ACOXL: variants seen among roughly 807,000 people sequenced by gnomAD.
ACOXL encodes the protein acyl-coenzyme A oxidase-like protein.
In ACOXL, 70 loss-of-function variants were observed where a neutral mutation model predicts 71.9. The observed-to-expected ratio is 0.97, with a 90% CI of 0.80 to 1.19. The LOEUF (loss-of-function observed/expected upper bound fraction) is 1.19, where lower values mean the gene tolerates loss of function less well. ACOXL is among the 50% of genes most tolerant of loss of function. The probability of loss-of-function intolerance (pLI) is 0.00; values close to 1 mark genes in which losing one functional copy is unlikely to be tolerated. For synonymous variants in ACOXL, 253 were observed against 281.6 expected, an observed-to-expected ratio of 0.90 and a Z score of 1.02; for missense variants, 703 against 736.3, an observed-to-expected ratio of 0.95 and a Z score of 0.52.
At chr2:111,110,638 C>T (rs1362127198) in intron 17 of ACOXL, among the ~76,000 whole-genome samples, 1 of 152,180 alleles carries the variant, frequency 6.6e-6, no homozygotes, top group Non-Finnish European at 1.5e-5. Context: ...GTCCACCTGT[C>T]CCCAAAACAG....
intron 16 of ACOXL, among the ~76,000 whole-genome samples, chr2:111,083,082 A>G (rs946827461): frequency 1.7e-4 from 26 of 152,184 alleles, no homozygotes; most frequent in African/African-American, 6.3e-4. Flanking sequence ...TACCTAATGT[A>G]GATGATGGGT....
Position 111,039,605 on chromosome 2 carries a change from CT to C in ACOXL, c.1369+7895del, listed in dbSNP as rs2065681075. 2.0e-5 allele frequency among the ~76,000 whole-genome samples: 3 copies of C among 152,190 alleles called. 1 individual carries two copies. In the South Asian group the frequency reaches 6.2e-4, roughly 32 times the overall value. On this transcript the variant is annotated intron_variant, in intron 15 of 17. Transcript: ENST00000439055. ...GGCTTATCAAAGCAGATATTGAATA[CT>C]TTTGAATTTTTATATAACATTAGTG...
chr2:111,094,709 A>G (rs1470837314), intron 17 of ACOXL, among the ~76,000 whole-genome samples: 1 of 152,226 alleles, frequency 6.6e-6, no homozygotes, highest in Admixed American at 6.5e-5. Flanking sequence ...TTTGGGGGAT[A>G]CATTCAAGCC....
intron 16 of ACOXL, among the ~76,000 whole-genome samples, chr2:111,062,588 A>C (rs1472602732): frequency 6.6e-6 from 1 of 152,148 alleles, no homozygotes; most frequent in Non-Finnish European, 1.5e-5. Flanking sequence ...AAAAAATTTA[A>C]AAACCTCAAA....
intron 11 of ACOXL, among the ~76,000 whole-genome samples, chr2:110,926,980 A>G (rs1239992074): frequency 2.0e-5 from 3 of 152,170 alleles, no homozygotes; most frequent in Non-Finnish European, 4.4e-5. Context: ...ACTGCCACAA[A>G]GAACTACCTG....
At position 110,890,971 on chromosome 2, in the gene ACOXL, T is replaced by G. The variant is rs969758456; in HGVS notation, c.789-17818T>G. 9.8e-5 allele frequency among the ~76,000 whole-genome samples: 15 copies of G among 152,330 alleles called. No individual in the cohort carries two copies. The East Asian group carries it at 2.5e-3, about 25-fold the overall frequency. ...TCTTTAATTTCTTTCAACTTTTTTTTTGTTTTCAGTACACAAGTGTTATAT... is the reference window on the plus strand; with the variant it reads ...TCTTTAATTTCTTTCAACTTTTTTTGTGTTTTCAGTACACAAGTGTTATAT... On this transcript the variant is annotated intron_variant, in intron 10 of 17. Transcript: ENST00000439055.
At chr2:111,075,831 T>C (rs1356257554) in intron 16 of ACOXL, among the ~76,000 whole-genome samples, 2 of 152,132 alleles carry the variant, frequency 1.3e-5, no homozygotes, top group Admixed American at 1.3e-4. Flanking sequence ...ATATATAGAA[T>C]TATATATAGA....
chr2:111,072,316 ATTCC>A (rs2067378715), intron 16 of ACOXL, among the ~76,000 whole-genome samples: 1 of 152,212 alleles, frequency 6.6e-6, no homozygotes, highest in Non-Finnish European at 1.5e-5. Flanking sequence ...TTTTGACAAA[ATTCC>A]ATATAAATGT....
chr2:110,901,725 G>A lies in ACOXL; in HGVS notation c.789-7064G>A, dbSNP rs1032157633. 8.6e-5 allele frequency among the ~76,000 whole-genome samples: 13 copies of A among 151,900 alleles called. No individual in the cohort carries two copies. In the East Asian group the frequency reaches 2.5e-3, roughly 29 times the overall value. ...GCTTCTTCCATCTCCTCTACAGATG[G>A]ATTGAAAGTTGCCCATTGGGTGGTG... On this transcript the variant is annotated intron_variant, in intron 10 of 17. Coordinates refer to ENST00000439055, the MANE Select transcript of ACOXL (RefSeq NM_001142807.4).
chr2:111,007,650 A>G (rs1354483257), intron 14 of ACOXL, among the ~76,000 whole-genome samples: 1 of 152,158 alleles, frequency 6.6e-6, no homozygotes, highest in Non-Finnish European at 1.5e-5. Flanking sequence ...CCCTGCAGTC[A>G]ATCATTTCTC....
chr2:110,963,598 TGTGTG>T lies in ACOXL; in HGVS notation c.1060-23509_1060-23505del, dbSNP rs754099986. On this transcript the variant is annotated intron_variant, in intron 12 of 17. Transcript: ENST00000439055. ...GTGTGTGTGTGTGTGTGTGTGTGTG[TGTGTG>T]TTTTTCTCTTTCTGCAACAGGGTTA... 3,297 of 1,305,784 alleles carry T rather than the reference TGTGTG, an allele frequency of 2.5e-3. 24 individuals carry two copies. The African/African-American group carries it at 0.06, about 24-fold the overall frequency. 80.9% of individuals were successfully genotyped at this position (1,305,784 alleles called of 1,614,324 possible).
intron 12 of ACOXL, among the ~76,000 whole-genome samples, chr2:110,966,996 C>T (rs925247268): frequency 6.6e-6 from 1 of 152,094 alleles, no homozygotes. Context: ...CTGGGTACAA[C>T]AAAACATCAC....
At chr2:111,058,040 TG>T (rs1001265289) in intron 16 of ACOXL, among the ~76,000 whole-genome samples, 3 of 152,178 alleles carry the variant, frequency 2.0e-5, no homozygotes, top group African/African-American at 7.2e-5. Flanking sequence ...TGCACAGCTC[TG>T]GGGGCAGATT....
At chr2:111,107,541 T>G (rs1281937208) in intron 17 of ACOXL, among the ~76,000 whole-genome samples, 1 of 152,196 alleles carries the variant, frequency 6.6e-6, no homozygotes, top group Non-Finnish European at 1.5e-5. Context: ...CAGGCTGGAG[T>G]GCAATGGCAC....
intron 14 of ACOXL, among the ~76,000 whole-genome samples, chr2:111,014,522 C>T (rs2064334081): frequency 6.6e-6 from 1 of 152,204 alleles, no homozygotes; most frequent in Non-Finnish European, 1.5e-5. Flanking sequence ...TATGGGAAAA[C>T]TCCACATTGC....
intron 12 of ACOXL, among the ~76,000 whole-genome samples, chr2:110,952,794 C>T (rs2061375248): frequency 6.6e-6 from 1 of 152,074 alleles, no homozygotes; most frequent in African/African-American, 2.4e-5. Context: ...TCCTGCTCCT[C>T]CTATAGTATC....
chr2:111,027,476 C>T lies in ACOXL; in HGVS notation c.1282-4151C>T, dbSNP rs146363092. ...AGCTGGGACTACAGGTGTGTGCCACCACACCCAGCTAATTTTTGTATTTTT... is the reference window on the plus strand; with the variant it reads ...AGCTGGGACTACAGGTGTGTGCCACTACACCCAGCTAATTTTTGTATTTTT... On this transcript the variant is annotated intron_variant, in intron 14 of 17. Coordinates refer to ENST00000439055, the MANE Select transcript of ACOXL (RefSeq NM_001142807.4). Among the ~76,000 whole-genome samples the T allele has an allele frequency of 6.4e-4, 97 of 152,036 alleles. 2 individuals are homozygous for T. In the East Asian group the frequency reaches 8.2e-3, roughly 13 times the overall value.
intron 9 of ACOXL, among the ~76,000 whole-genome samples, chr2:110,831,842 C>T (rs559382486): frequency 6.6e-6 from 1 of 152,144 alleles, no homozygotes; most frequent in South Asian, 2.1e-4. Context: ...TGGCCTTTTC[C>T]ACAAACAGTG....
At chr2:110,768,061 G>A (rs1251195227) in intron 1 of ACOXL, among the ~76,000 whole-genome samples, 1 of 152,160 alleles carries the variant, frequency 6.6e-6, no homozygotes, top group Admixed American at 6.5e-5. Context: ...GAACCCGGGA[G>A]GCGGAGGTTG....
Sources: gnomAD v4.1 joint callset for allele counts (sites outside exome capture counted in the v4.1 genomes callset) on GRCh38, gnomAD v4.1.1 for gene constraint, MANE v1.5 for transcripts, NCBI Gene and HGNC (gene_info 2026-07-23, HGNC 2026-07-21) for gene names.